The following FCHO2 variants were observed in gnomAD, a reference collection of about 807,000 sequenced individuals.
The protein encoded by FCHO2 is FCH and mu domain containing endocytic adaptor 2.
Under a neutral mutation model 114.1 loss-of-function variants are expected in FCHO2, and 43 were observed. That is an observed-to-expected ratio of 0.38 (90% CI 0.30 to 0.49). The LOEUF is 0.49. FCHO2 is among the 20% of genes least tolerant of loss of function. The pLI is 0.97. For synonymous variants in FCHO2, 293 were observed against 315.2 expected, an observed-to-expected ratio of 0.93 and a Z score of 0.75; for missense variants, 807 against 950.4, an observed-to-expected ratio of 0.85 and a Z score of 1.98.
intron 17 of FCHO2, among the ~76,000 whole-genome samples, chr5:73,059,042 A>G (rs1757727976): frequency 6.6e-6 from 1 of 152,218 alleles, no homozygotes; most frequent in East Asian, 1.9e-4. Context: ...GCAGTTTACA[A>G]AAGAAGTTGA....
rs181025137 is a variant in FCHO2, at chr5:73,055,928, A to G, written c.1211-137A>G. 255 of 572,240 alleles carry G rather than the reference A, an allele frequency of 4.5e-4. 1 individual carries two copies. Among genetic ancestry groups the G allele is most frequent in the Non-Finnish European group, 1.5e-4 (50 of 328,610 alleles). The allele number at this position is 572,240 out of a possible 1,614,324, so 35.4% of individuals were successfully genotyped here. A position where few individuals can be genotyped will look rare whatever the true frequency, so the allele number is the denominator to read the frequency against. On this transcript the variant is annotated intron_variant, in intron 15 of 25. Coordinates refer to ENST00000430046, the MANE Select transcript of FCHO2 (RefSeq NM_138782.3). ...TACACAATAGAAAACTTGTTAAAAT[A>G]TTGTTTGTATTTACATTATCAATTC...
intron 2 of FCHO2, among the ~76,000 whole-genome samples, chr5:72,979,390 T>C (rs1000139275): frequency 1.7e-5 from 2 of 117,754 alleles, no homozygotes; most frequent in Non-Finnish European, 3.5e-5. Flanking sequence ...TTTTTTTTTT[T>C]TTTTTTTTTT....
At chr5:73,060,852 A>T (rs929949214) in intron 17 of FCHO2, among the ~76,000 whole-genome samples, 1 of 152,096 alleles carries the variant, frequency 6.6e-6, no homozygotes, top group African/African-American at 2.4e-5. Context: ...GACTATAAAT[A>T]AGCATTCATG....
intron 8 of FCHO2, among the ~76,000 whole-genome samples, chr5:73,025,831 T>C (rs1350890709): frequency 2.0e-5 from 3 of 152,240 alleles, no homozygotes; most frequent in African/African-American, 7.2e-5. Flanking sequence ...GATTTTGTTT[T>C]GTAAAGTCTA....
chr5:72,994,696 A>T (rs140967167), intron 5 of FCHO2, among the ~76,000 whole-genome samples: 2 of 152,364 alleles, frequency 1.3e-5, no homozygotes, highest in East Asian at 3.9e-4. Flanking sequence ...TATTAATTGC[A>T]GCACTATTCA....
At chr5:72,999,993 G>A (rs1467470179) in intron 5 of FCHO2, among the ~76,000 whole-genome samples, 5 of 152,084 alleles carry the variant, frequency 3.3e-5, no homozygotes, top group African/African-American at 1.2e-4. Flanking sequence ...TAATTAATTA[G>A]TGAATTAATT....
intron 22 of FCHO2, among the ~76,000 whole-genome samples, chr5:73,081,263 A>G (rs971537093): frequency 5.3e-5 from 8 of 152,218 alleles, no homozygotes; most frequent in African/African-American, 1.9e-4. Context: ...GCCATTGGAC[A>G]AGGAGCTTAA....
At chr5:73,026,465 C>G (rs1755921771) in intron 8 of FCHO2, among the ~76,000 whole-genome samples, 1 of 150,812 alleles carries the variant, frequency 6.6e-6, no homozygotes, top group African/African-American at 2.4e-5. Flanking sequence ...AGCAAGATTC[C>G]GTCTCAAAAA....
At chr5:72,963,166 G>A (rs1415607734) in intron 1 of FCHO2, among the ~76,000 whole-genome samples, 1 of 152,144 alleles carries the variant, frequency 6.6e-6, no homozygotes, top group African/African-American at 2.4e-5. Context: ...GATTATGGAA[G>A]ATATATCAAG....
At position 73,045,427 on chromosome 5, in the gene FCHO2, T is replaced by C. The variant is rs1757009265; in HGVS notation, c.939+4112T>C. Among the ~76,000 whole-genome samples the C allele has an allele frequency of 2.6e-5, 4 of 152,346 alleles. No homozygotes were observed. In the South Asian group the frequency reaches 8.3e-4, roughly 32 times the overall value. ...AGATGTATCCAGGTTGTGGTACATA[T>C]GAATAGTTTATTTTTTATTGCTGAG... is the stretch of plus-strand genomic sequence containing the variant. On this transcript the variant is annotated intron_variant, in intron 11 of 25. Transcript: ENST00000430046.
At chr5:73,022,461 G>C (rs1755678621) in intron 8 of FCHO2, among the ~76,000 whole-genome samples, 1 of 151,708 alleles carries the variant, frequency 6.6e-6, no homozygotes. Context: ...ACTGCTTTTT[G>C]CTTTTATATG....
rs761512537 is a variant in FCHO2, at chr5:73,074,856, T to A, written c.1691+3T>A. ...TTTAAAGGAGCAGATCCCACCAAGTTAGTTTTTAAAATATATGCATGTATG... is the reference window on the plus strand; with the variant it reads ...TTTAAAGGAGCAGATCCCACCAAGTAAGTTTTTAAAATATATGCATGTATG... On this transcript the variant is annotated splice_donor_region_variant and intron_variant, in intron 20 of 25. Transcript: ENST00000430046. The A allele has an allele frequency of 6.2e-7, 1 of 1,608,626 alleles. No individual in the cohort carries two copies. Among genetic ancestry groups the A allele is most frequent in the Non-Finnish European group, 8.5e-7 (1 of 1,177,254 alleles).
In FCHO2 at chr5:73,074,964, C is replaced by T. The variant is rs1742841067; in HGVS notation, c.1691+111C>T. On this transcript the variant is annotated intron_variant, in intron 20 of 25. Coordinates refer to ENST00000430046, the MANE Select transcript of FCHO2 (RefSeq NM_138782.3). ...TTACATTTTGATTCTGTGTAGATTA[C>T]AGTTTTCTGTTGTTTATTTACCTGC... The T allele has an allele frequency of 1.8e-5, 15 of 840,926 alleles. No homozygotes were observed. In the Admixed American group the frequency reaches 1.9e-4, roughly 11 times the overall value. 52.1% of individuals were successfully genotyped at this position (840,926 alleles called of 1,614,324 possible).
chr5:72,973,968 G>A (rs1752716355), intron 2 of FCHO2, among the ~76,000 whole-genome samples: 1 of 151,362 alleles, frequency 6.6e-6, no homozygotes, highest in South Asian at 2.1e-4. Context: ...GTACCCAGTA[G>A]TCATTCAGGA....
At chr5:72,994,696 A>C (rs140967167) in intron 5 of FCHO2, among the ~76,000 whole-genome samples, 1 of 152,246 alleles carries the variant, frequency 6.6e-6, no homozygotes. Flanking sequence ...TATTAATTGC[A>C]GCACTATTCA....
At chr5:73,060,261 A>C (rs1031001237) in intron 17 of FCHO2, among the ~76,000 whole-genome samples, 1 of 152,130 alleles carries the variant, frequency 6.6e-6, no homozygotes, top group African/African-American at 2.4e-5. Flanking sequence ...TCACTTCAGT[A>C]TGCATTTTTA....
chr5:73,019,030 T>G (rs1458394819), intron 8 of FCHO2, among the ~76,000 whole-genome samples: 1 of 152,180 alleles, frequency 6.6e-6, no homozygotes, highest in Admixed American at 6.5e-5. Context: ...TAAGCTGACT[T>G]TGGCAGAAAA....
chr5:73,070,911 A>G (rs944124790), intron 19 of FCHO2, among the ~76,000 whole-genome samples: 6 of 152,150 alleles, frequency 3.9e-5, no homozygotes, highest in African/African-American at 1.4e-4. Context: ...TTTGATTGGG[A>G]CACACACTGA....
At chr5:72,963,530 A>G (rs1174130859) in intron 1 of FCHO2, among the ~76,000 whole-genome samples, 2 of 152,086 alleles carry the variant, frequency 1.3e-5, no homozygotes, top group Admixed American at 1.3e-4. Context: ...ATAGGTTTCC[A>G]TGGAATGGAT....
Sources: gnomAD v4.1 joint callset for allele counts (sites outside exome capture counted in the v4.1 genomes callset) on GRCh38, gnomAD v4.1.1 for gene constraint, MANE v1.5 for transcripts, NCBI Gene and HGNC (gene_info 2026-07-23, HGNC 2026-07-21) for gene names.